PLXNA4: variants seen among roughly 807,000 people sequenced by gnomAD.
PLXNA4 encodes plexin A4, also known as plexin-A4.
Under a neutral mutation model 191.8 loss-of-function variants are expected in PLXNA4, and 44 were observed. That is an observed-to-expected ratio of 0.23 (90% CI 0.18 to 0.29). The LOEUF (loss-of-function observed/expected upper bound fraction) is 0.29. Among genes scored for constraint, PLXNA4 ranks in the 10% least tolerant of loss-of-function variants. PLXNA4 has a pLI of 1.00. For synonymous variants in PLXNA4, 1,082 were observed against 1,009.5 expected (o/e 1.07, Z -1.36); for missense variants, 1,800 against 2,488.8 (o/e 0.72, Z 5.89).
At chr7:132,303,155 G>A (rs953483040) in intron 3 of PLXNA4, among the ~76,000 whole-genome samples, 1 of 151,900 alleles carries the variant, frequency 6.6e-6, no homozygotes, top group Non-Finnish European at 1.5e-5. Context: ...TTACAGGCGT[G>A]AGCCACCAGG....
chr7:132,287,702 C>T (rs947190894), intron 4 of PLXNA4, among the ~76,000 whole-genome samples: 2 of 152,186 alleles, frequency 1.3e-5, no homozygotes, highest in Non-Finnish European at 2.9e-5. Flanking sequence ...CATGTAGAAA[C>T]ACGTCAGTCA....
intron 3 of PLXNA4, among the ~76,000 whole-genome samples, chr7:132,317,348 T>C (rs1402964090): frequency 6.6e-6 from 1 of 151,836 alleles, no homozygotes; most frequent in Non-Finnish European, 1.5e-5. Context: ...TTGGACTGGA[T>C]TGGGTTGGGT....
intron 3 of PLXNA4, among the ~76,000 whole-genome samples, chr7:132,396,883 G>T (rs530562749): frequency 1.8e-4 from 28 of 152,368 alleles, no homozygotes; most frequent in African/African-American, 6.7e-4. Flanking sequence ...AGTGAAGCAG[G>T]ATGCTCGTTT....
intron 3 of PLXNA4, among the ~76,000 whole-genome samples, chr7:132,331,835 C>T (rs1389114200): frequency 6.6e-6 from 1 of 152,004 alleles, no homozygotes; most frequent in African/African-American, 2.4e-5. Context: ...GATGGGGATT[C>T]TTGGTCCCAT....
chr7:132,269,488 TG>T (rs1401955441), intron 4 of PLXNA4, among the ~76,000 whole-genome samples: 6 of 151,318 alleles, frequency 4.0e-5, no homozygotes, highest in Admixed American at 2.0e-4. Context: ...TAGAGTGGCA[TG>T]GGACACCACA....
Position 132,145,479 on chromosome 7 carries a change from C to G in PLXNA4, c.5056-191G>C, listed in dbSNP as rs185891856. ...TGTCTCTAACAGCTTTAAATTTCCC[C>G]TGCACATGGAAAAGAGATATAACAC... On this transcript the variant is annotated intron_variant, in intron 28 of 31. Coordinates refer to ENST00000321063, the MANE Select transcript of PLXNA4 (RefSeq NM_020911.2). The G allele has an allele frequency of 7.3e-5, 54 of 741,472 alleles. No individual in the cohort carries two copies. In the East Asian group the frequency reaches 1.4e-3, roughly 19 times the overall value. The allele number at this position is 741,472 out of a possible 1,614,324, so 45.9% of individuals were successfully genotyped here.
rs532396266 is a variant in PLXNA4 at position 132,166,025 on chromosome 7, C to T, written c.4287-825G>A. Among the ~76,000 whole-genome samples the T allele has an allele frequency of 5.3e-5, 8 of 152,206 alleles. 1 individual carries two copies. Among genetic ancestry groups the T allele is most frequent in the African/African-American group, 1.7e-4 (7 of 41,536 alleles). On this transcript the variant is annotated intron_variant, in intron 22 of 31. Coordinates refer to ENST00000321063, the MANE Select transcript of PLXNA4 (RefSeq NM_020911.2). ...CATCCTGGCCAACATGGTGAAACCCCCTCTCTACTAAAAACACAAAAATTA... is the reference window on the plus strand; with the variant it reads ...CATCCTGGCCAACATGGTGAAACCCTCTCTCTACTAAAAACACAAAAATTA...
intron 3 of PLXNA4, among the ~76,000 whole-genome samples, chr7:132,325,509 G>A (rs566161138): frequency 6.6e-6 from 1 of 152,274 alleles, no homozygotes; most frequent in East Asian, 1.9e-4. Context: ...CAAGATAAGA[G>A]GAATTGATTA....
At chr7:132,562,475 C>T (rs1229951740) in intron 1 of PLXNA4, among the ~76,000 whole-genome samples, 2 of 117,920 alleles carry the variant, frequency 1.7e-5, no homozygotes, top group Non-Finnish European at 1.7e-5. Flanking sequence ...CTCCTTTCTC[C>T]TCCTCCTTCT....
chr7:132,562,173 TTTCTCCTCCTCCTCC>T (rs1329348478), intron 1 of PLXNA4, among the ~76,000 whole-genome samples: 32 of 45,604 alleles, frequency 7.0e-4, no homozygotes, highest in East Asian at 9.5e-4. Context: ...CCTCCTCCTC[TTTCTCCTCCTCCTCC>T]TTCTCCTCCT....
chr7:132,309,585 T>C (rs1242187207), intron 3 of PLXNA4, among the ~76,000 whole-genome samples: 1 of 152,088 alleles, frequency 6.6e-6, no homozygotes, highest in Non-Finnish European at 1.5e-5. Context: ...TGCGAGACAA[T>C]GAGGACTGGG....
chr7:132,187,978 A>G (rs1796935732), intron 14 of PLXNA4, among the ~76,000 whole-genome samples: 1 of 152,084 alleles, frequency 6.6e-6, no homozygotes, highest in Non-Finnish European at 1.5e-5. Context: ...GAAGAGATTC[A>G]GAGATGTTAA....
intron 31 of PLXNA4, among the ~76,000 whole-genome samples, chr7:132,132,211 CAGA>C (rs1300855690): frequency 6.6e-6 from 1 of 152,204 alleles, no homozygotes; most frequent in Non-Finnish European, 1.5e-5. Flanking sequence ...CTGGGCTGAT[CAGA>C]AGATGTCTGA....
intron 3 of PLXNA4, among the ~76,000 whole-genome samples, chr7:132,310,855 T>TGA (rs1801701560): frequency 6.6e-6 from 1 of 152,092 alleles, no homozygotes; most frequent in Admixed American, 6.5e-5. Flanking sequence ...TGTGTGTGTG[T>TGA]GAGAGAGGCT....
At chr7:132,148,289 G>A (rs1795494520) in intron 26 of PLXNA4, among the ~76,000 whole-genome samples, 2 of 152,158 alleles carry the variant, frequency 1.3e-5, no homozygotes, top group Admixed American at 6.5e-5. Context: ...ATGCCCAGAG[G>A]AACTTCTCAG....
intron 3 of PLXNA4, among the ~76,000 whole-genome samples, chr7:132,363,305 C>A (rs1022729461): frequency 2.6e-5 from 4 of 152,090 alleles, no homozygotes; most frequent in African/African-American, 9.7e-5. Flanking sequence ...TTTTATCTTC[C>A]CAAACTGCAA....
At chr7:132,492,096 G>A (rs1344264752) in intron 2 of PLXNA4, among the ~76,000 whole-genome samples, 1 of 152,170 alleles carries the variant, frequency 6.6e-6, no homozygotes, top group Non-Finnish European at 1.5e-5. Flanking sequence ...CGCAAACTCT[G>A]TACATCACCC....
At chr7:132,249,250 C>T (rs1234270619) in intron 4 of PLXNA4, among the ~76,000 whole-genome samples, 1 of 152,150 alleles carries the variant, frequency 6.6e-6, no homozygotes, top group African/African-American at 2.4e-5. Flanking sequence ...GAATTGGTCA[C>T]AAAATACTAC....
chr7:132,349,038 T>C (rs919405143), intron 3 of PLXNA4, among the ~76,000 whole-genome samples: 5 of 152,100 alleles, frequency 3.3e-5, no homozygotes, highest in African/African-American at 9.7e-5. Context: ...TTCTGTTTGC[T>C]CCTCTGTAAG....
Sources: gnomAD v4.1 joint callset for allele counts (sites outside exome capture counted in the v4.1 genomes callset) on GRCh38, gnomAD v4.1.1 for gene constraint, MANE v1.5 for transcripts, NCBI Gene and HGNC (gene_info 2026-07-23, HGNC 2026-07-21) for gene names.